TRHDE: variants seen among roughly 807,000 people sequenced by gnomAD.
TRHDE encodes the protein thyrotropin-releasing hormone-degrading ectoenzyme.
In TRHDE, 72 loss-of-function variants were observed where a neutral mutation model predicts 125.7. The ratio of observed to expected loss-of-function variants is 0.57; its 90% CI spans 0.47 to 0.70. TRHDE has a LOEUF of 0.70. TRHDE is among the 30% of genes least tolerant of loss of function. The probability of loss-of-function intolerance (pLI) is 0.00; values close to 1 mark genes in which losing one functional copy is unlikely to be tolerated. For missense variants in TRHDE, 1,110 were observed against 1,327.1 expected, an observed-to-expected ratio of 0.84 and a Z score of 2.54; for synonymous variants, 509 against 509.1, an observed-to-expected ratio of 1.00 and a Z score of 0.00.
chr12:72,374,292 A>AGTGTGTGT (rs148577049), intron 2 of TRHDE, among the ~76,000 whole-genome samples: 1,414 of 134,070 alleles, frequency 0.011, 13 homozygotes, highest in East Asian at 0.047. Context: ...TAGAAGGAGA[A>AGTGTGTGT]GTGTGTGTGT....
At chr12:72,154,802 C>G (rs928396419) in intron 2 of TRHDE, among the ~76,000 whole-genome samples, 2 of 152,166 alleles carry the variant, frequency 1.3e-5, no homozygotes, top group African/African-American at 4.8e-5. Flanking sequence ...GGTAACCCAG[C>G]CTTTCTCTCT....
At chr12:72,467,268 G>GT (rs1180971013) in intron 3 of TRHDE, among the ~76,000 whole-genome samples, 1 of 148,462 alleles carries the variant, frequency 6.7e-6, no homozygotes, top group Non-Finnish European at 1.5e-5. Context: ...GGTATACGAT[G>GT]TTCCCCTTCC....
intron 15 of TRHDE, among the ~76,000 whole-genome samples, chr12:72,623,536 C>T (rs1457111983): frequency 6.6e-6 from 1 of 151,900 alleles, no homozygotes; most frequent in Admixed American, 6.6e-5. Context: ...TTCTCAGTAC[C>T]ATCTGGTAGC....
chr12:72,445,779 C>T (rs1875247122), intron 3 of TRHDE, among the ~76,000 whole-genome samples: 1 of 151,880 alleles, frequency 6.6e-6, no homozygotes, highest in Admixed American at 6.6e-5. Flanking sequence ...GTTATTAAGC[C>T]TTTGAATTAA....
At chr12:72,250,862 A>ATATATATATATATATATATT (rs981275202) in intron 2 of TRHDE, among the ~76,000 whole-genome samples, 1 of 144,262 alleles carries the variant, frequency 6.9e-6, no homozygotes, top group Non-Finnish European at 1.5e-5. Flanking sequence ...ATATATATAT[A>ATATATATATATATATATATT]TTTTATTTTT....
Position 72,640,715 on chromosome 12 carries a change from C to T in TRHDE, c.2676-11607C>T, listed in dbSNP as rs142257314. ...ATCGCTCATGCTGGGAGCTGTAGACCGGAGCTGTTCCTATTTGGCCATCTT... is the reference window on the plus strand; with the variant it reads ...ATCGCTCATGCTGGGAGCTGTAGACTGGAGCTGTTCCTATTTGGCCATCTT... On this transcript the variant is annotated intron_variant, in intron 15 of 18. Coordinates refer to ENST00000261180, the MANE Select transcript of TRHDE (RefSeq NM_013381.3). Among the ~76,000 whole-genome samples, 510 of 152,244 alleles carry T rather than the reference C, an allele frequency of 3.3e-3. 3 individuals are homozygous for T. The highest frequency in any genetic ancestry group is 0.011 in the African/African-American group (454 of 41,550).
intron 7 of TRHDE, among the ~76,000 whole-genome samples, chr12:72,560,932 G>C (rs1870148326): frequency 6.6e-6 from 1 of 152,184 alleles, no homozygotes; most frequent in Admixed American, 6.5e-5. Context: ...AATTTTGAAA[G>C]TTAAATCTGA....
chr12:72,251,187 C>T (rs1878676292), intron 2 of TRHDE, among the ~76,000 whole-genome samples: 1 of 151,862 alleles, frequency 6.6e-6, no homozygotes, highest in African/African-American at 2.4e-5. Context: ...TAATTCTATG[C>T]AATTTTATCA....
At chr12:72,402,850 A>G (rs1018933035) in intron 3 of TRHDE, among the ~76,000 whole-genome samples, 1 of 152,172 alleles carries the variant, frequency 6.6e-6, no homozygotes, top group Admixed American at 6.5e-5. Context: ...TGGAGAGACC[A>G]TCTGACTCTC....
At chr12:72,364,099 C>T (rs1181373548) in intron 2 of TRHDE, among the ~76,000 whole-genome samples, 1 of 152,152 alleles carries the variant, frequency 6.6e-6, no homozygotes, top group African/African-American at 2.4e-5. Flanking sequence ...GAACTACAAA[C>T]CACTGCTCAA....
chr12:72,297,422 G>A (rs976606915), intron 2 of TRHDE, among the ~76,000 whole-genome samples: 2 of 152,162 alleles, frequency 1.3e-5, no homozygotes, highest in African/African-American at 4.8e-5. Flanking sequence ...TTGCAAAATT[G>A]GGTGGATGAA....
chr12:72,494,498 GT>G (rs959767986), intron 5 of TRHDE, among the ~76,000 whole-genome samples: 2 of 151,520 alleles, frequency 1.3e-5, no homozygotes, highest in Non-Finnish European at 3.0e-5. Context: ...TTGGTTGGTT[GT>G]TTTTTTTGGT....
intron 2 of TRHDE, among the ~76,000 whole-genome samples, chr12:72,373,170 C>G (rs1169282385): frequency 6.6e-6 from 1 of 152,140 alleles, no homozygotes; most frequent in East Asian, 1.9e-4. Context: ...TGGGAGTTCA[C>G]TCATGATTTG....
chr12:72,116,635 A>G (rs11832853), intron 2 of TRHDE, among the ~76,000 whole-genome samples: 15,902 of 151,858 alleles, frequency 0.1, 1,718 homozygotes, highest in African/African-American at 0.27. Context: ...TTTTTCATAT[A>G]TTTGTTGGCC....
chr12:72,378,242 T>C (rs1027920398), intron 3 of TRHDE, 121 bp downstream of exon 3: 17 of 1,037,776 alleles, frequency 1.6e-5, no homozygotes, highest in East Asian at 1.1e-4. Flanking sequence ...TTAGAGAAGA[T>C]AAGCACAAAA....
intron 2 of TRHDE, among the ~76,000 whole-genome samples, chr12:72,193,453 A>G (rs960416902): frequency 6.6e-6 from 1 of 152,158 alleles, no homozygotes; most frequent in Non-Finnish European, 1.5e-5. Flanking sequence ...TCTGTGACAA[A>G]GAGGCTTTTT....
chr12:72,380,802 CCTTCCTTCCTTCCTTA>C, intron 3 of TRHDE, among the ~76,000 whole-genome samples: 4 of 136,106 alleles, frequency 2.9e-5, no homozygotes, highest in Admixed American at 7.7e-5. Context: ...TTCCTTCCTT[CCTTCCTTCCTTCCTTA>C]TTCCCTCCCT....
intron 3 of TRHDE, among the ~76,000 whole-genome samples, chr12:72,451,753 ATTCT>A (rs1396905215): frequency 6.6e-6 from 1 of 152,192 alleles, no homozygotes; most frequent in African/African-American, 2.4e-5. Flanking sequence ...AACAATATTA[ATTCT>A]TTCAATACAT....
At chr12:72,563,898 C>G (rs1870306333) in intron 9 of TRHDE, among the ~76,000 whole-genome samples, 3 of 152,120 alleles carry the variant, frequency 2.0e-5, no homozygotes, top group Admixed American at 1.3e-4. Context: ...TGCTGTCTCC[C>G]ATTACCTTGG....
Sources: gnomAD v4.1 joint callset for allele counts (sites outside exome capture counted in the v4.1 genomes callset) on GRCh38, gnomAD v4.1.1 for gene constraint, MANE v1.5 for transcripts, NCBI Gene and HGNC (gene_info 2026-07-23, HGNC 2026-07-21) for gene names.